CD99L2: variants seen among roughly 807,000 people sequenced by gnomAD.
CD99L2 encodes CD99 antigen-like protein 2.
CD99L2 carries 24 observed loss-of-function variants against 27.3 expected under a neutral mutation model. That is an observed-to-expected ratio of 0.88 (90% CI 0.64 to 1.24). The LOEUF is 1.24. Among genes scored for constraint, CD99L2 ranks in the 50% most tolerant of loss-of-function variants. The pLI, the probability that CD99L2 is intolerant of heterozygous loss-of-function variation, is 0.00. For synonymous variants in CD99L2, 97 were observed against 87.9 expected (o/e 1.10, Z -0.58); for missense variants, 255 against 221.6 (o/e 1.15, Z -0.96).
At chrX:150,806,499 G>T (rs377309617) in intron 4 of CD99L2, among the ~76,000 whole-genome samples, 1 of 112,273 alleles carries the variant, frequency 8.9e-6, no homozygotes, top group East Asian at 2.8e-4. Flanking sequence ...GCAAAAAAAG[G>T]TCTGACATGC....
At chrX:150,896,942 C>T (rs1557423100) in intron 1 of CD99L2, among the ~76,000 whole-genome samples, 1 of 112,447 alleles carries the variant, frequency 8.9e-6, no homozygotes, top group East Asian at 2.8e-4. Context: ...CTTAAATCAA[C>T]AATTGTAACG....
At chrX:150,861,916 AAAGAG>A (rs1375403316) in intron 1 of CD99L2, among the ~76,000 whole-genome samples, 34 of 96,560 alleles carry the variant, frequency 3.5e-4, no homozygotes, top group African/African-American at 9.3e-4. Context: ...AAAAAAAAAA[AAAGAG>A]AGAGAGAGAG....
At chrX:150,861,107 AT>A (rs2046969853) in intron 1 of CD99L2, among the ~76,000 whole-genome samples, 1 of 100,695 alleles carries the variant, frequency 9.9e-6, no homozygotes, top group South Asian at 5.2e-4. Context: ...GCACCACTGC[AT>A]TCCAGCCTGG....
intron 7 of CD99L2, among the ~76,000 whole-genome samples, chrX:150,791,487 G>T (rs782189151): frequency 9.0e-6 from 1 of 111,317 alleles, no homozygotes; most frequent in African/African-American, 3.3e-5. Context: ...AGGAAAGAAT[G>T]TTAAGGAGAA....
intron 2 of CD99L2, chrX:150,829,404 T>C (rs1036570446): frequency 9.2e-6 from 3 of 327,805 alleles, no homozygotes; most frequent in African/African-American, 5.4e-5. Context: ...GAGGCAGAGA[T>C]TGGAGTGATG....
intron 1 of CD99L2, among the ~76,000 whole-genome samples, chrX:150,841,702 TA>T (rs1163170457): frequency 9.0e-6 from 1 of 111,438 alleles, no homozygotes; most frequent in East Asian, 2.8e-4. Flanking sequence ...AAGAGGAACA[TA>T]ACACAATGTT....
rs782601078 is a variant in CD99L2, at chrX:150,824,890, GATA to G, written c.130+6338_130+6340del. On this transcript the variant is annotated intron_variant, in intron 2 of 10. Coordinates refer to ENST00000370377, the MANE Select transcript of CD99L2 (RefSeq NM_031462.4). Reference sequence around the variant, plus strand: ...ATATGGGAAGTCTTTCCCTTAAAATGATAATGTTTGCACACTACTCCTTAGGAA... The same window carrying G: ...ATATGGGAAGTCTTTCCCTTAAAATGATGTTTGCACACTACTCCTTAGGAA... 5.0e-3 allele frequency among the ~76,000 whole-genome samples: 561 copies of G among 112,040 alleles called. 7 individuals carry two copies. The highest frequency in any genetic ancestry group is 9.2e-3 in the Middle Eastern group (2 of 217).
At position 150,766,394 on chromosome X, in the gene CD99L2, A is replaced by C. The variant is rs1284203352; in HGVS notation, c.*2640T>G. The C allele has an allele frequency of 1.8e-5, 2 of 111,030 alleles. No individual in the cohort carries two copies. The highest frequency in any genetic ancestry group is 3.8e-5 in the Non-Finnish European group (2 of 53,042). 9.2% of individuals were successfully genotyped at this position (111,030 alleles called of 1,213,427 possible). A position where few individuals can be genotyped will look rare whatever the true frequency, so the allele number is the denominator to read the frequency against. ...TAGACAGTTTACAAGTCACACCTGG[A>C]CACAAGCACGTGAACAGATGTACAG... On this transcript the variant is annotated 3_prime_UTR_variant, in exon 11 of 11. Coordinates refer to ENST00000370377, the MANE Select transcript of CD99L2 (RefSeq NM_031462.4).
intron 1 of CD99L2, among the ~76,000 whole-genome samples, chrX:150,859,149 T>C (rs2046935394): frequency 9.0e-6 from 1 of 111,698 alleles, no homozygotes; most frequent in African/African-American, 3.3e-5. Context: ...CAAGATTGAA[T>C]CAGGAAGAAA....
At chrX:150,892,340 C>T (rs1481572922) in intron 1 of CD99L2, among the ~76,000 whole-genome samples, 11 of 109,482 alleles carry the variant, frequency 1.0e-4, no homozygotes, top group African/African-American at 3.7e-4. Flanking sequence ...GGCACGGTGG[C>T]TCACGCCTGT....
At chrX:150,856,528 G>C (rs1401793434) in intron 1 of CD99L2, among the ~76,000 whole-genome samples, 2 of 107,562 alleles carry the variant, frequency 1.9e-5, no homozygotes, top group African/African-American at 6.8e-5. Flanking sequence ...TGACATGAAT[G>C]AATCTCAGAA....
At chrX:150,808,902 A>G (rs2046034502) in intron 4 of CD99L2, among the ~76,000 whole-genome samples, 1 of 111,352 alleles carries the variant, frequency 9.0e-6, no homozygotes, top group African/African-American at 3.3e-5. Context: ...CAAAATCATA[A>G]GAGTCCTTAT....
chrX:150,813,531 G>A (rs1029697442), intron 4 of CD99L2, among the ~76,000 whole-genome samples: 30 of 112,184 alleles, frequency 2.7e-4, no homozygotes, highest in African/African-American at 9.7e-4. Context: ...TAGAAAATAA[G>A]TGAACATGGT....
intron 1 of CD99L2, among the ~76,000 whole-genome samples, chrX:150,866,611 G>C (rs1446140136): frequency 1.8e-5 from 2 of 111,369 alleles, no homozygotes; most frequent in Admixed American, 1.9e-4. Flanking sequence ...CAAAAATATA[G>C]TTAGAAAGAT....
intron 7 of CD99L2, among the ~76,000 whole-genome samples, chrX:150,787,866 T>TACATGTAC (rs1405957679): frequency 1.3e-4 from 12 of 94,728 alleles, no homozygotes; most frequent in African/African-American, 4.6e-4. Flanking sequence ...GCACGTTGTG[T>TACATGTAC]ACATGTACCC....
chrX:150,885,349 C>T (rs2047391075), intron 1 of CD99L2, among the ~76,000 whole-genome samples: 1 of 111,090 alleles, frequency 9.0e-6, no homozygotes, highest in East Asian at 2.8e-4. Flanking sequence ...CACAGTGAGA[C>T]TCCACTTCTA....
chrX:150,794,582 A>C (rs1020890964), intron 6 of CD99L2, among the ~76,000 whole-genome samples: 17 of 112,673 alleles, frequency 1.5e-4, no homozygotes, highest in South Asian at 3.7e-4. Flanking sequence ...GTTCACTGAT[A>C]AGAGTTTCAC....
chrX:150,776,153 C>T (rs370359213), intron 9 of CD99L2, 21 bp downstream of exon 9: 89 of 1,206,016 alleles, frequency 7.4e-5, no homozygotes, highest in Non-Finnish European at 9.2e-5. Flanking sequence ...TTCCTAGCCA[C>T]GAGTGGGTGG....
intron 1 of CD99L2, among the ~76,000 whole-genome samples, chrX:150,850,009 C>A (rs1031936095): frequency 8.9e-6 from 1 of 111,919 alleles, no homozygotes; most frequent in African/African-American, 3.3e-5. Flanking sequence ...ATTCAGCTGA[C>A]CTTTCCCCTT....
Sources: allele counts gnomAD v4.1 joint callset (sites outside exome capture counted in the v4.1 genomes callset), GRCh38; gene constraint gnomAD v4.1.1; transcripts MANE v1.5; gene names NCBI Gene and HGNC (gene_info 2026-07-23, HGNC 2026-07-21).